The following ACKR3 variants were observed in gnomAD, a reference collection of about 807,000 sequenced individuals.
ACKR3 encodes C-X-C chemokine receptor type 7.
ACKR3 carries 6 observed loss-of-function variants against 22.4 expected under a neutral mutation model. The observed-to-expected ratio is 0.27, with a 90% confidence interval of 0.15 to 0.53. The LOEUF is 0.53. Ranked by LOEUF, ACKR3 falls within the 20% of genes least tolerant of loss-of-function variation. The probability of loss-of-function intolerance (pLI) is 0.96; values close to 1 mark genes in which losing one functional copy is unlikely to be tolerated. For synonymous variants in ACKR3, 209 were observed against 205.2 expected, an observed-to-expected ratio of 1.02 and a Z score of -0.16; for missense variants, 396 against 475.2, an observed-to-expected ratio of 0.83 and a Z score of 1.55.
chr2:236,537,181 G>T, the ACKR3 span, among the ~76,000 whole-genome samples: 1 of 152,186 alleles, frequency 6.6e-6, no homozygotes, highest in Non-Finnish European at 1.5e-5. Context: ...TAGCACTGTG[G>T]CAAGCGGTCT....
At chr2:236,549,507 G>A in the ACKR3 span, among the ~76,000 whole-genome samples, 1 of 152,230 alleles carries the variant, frequency 6.6e-6, no homozygotes, top group Non-Finnish European at 1.5e-5. The surrounding 1 kb of genome is among the most constrained non-coding windows in gnomAD (Gnocchi z 5.3). Context: ...GAGGCCTCTT[G>A]ACTAAGTGGT....
the ACKR3 span, among the ~76,000 whole-genome samples, chr2:236,543,974 TATATATATATATATATATAC>T: frequency 1.6e-5 from 1 of 62,556 alleles, no homozygotes; most frequent in African/African-American, 2.3e-4. Flanking sequence ...TATATATATA[TATATATATATATATATATAC>T]ACTTTTTTTT....
At chr2:236,578,351 C>T (rs1212245098) in intron 1 of ACKR3, among the ~76,000 whole-genome samples, 1 of 152,242 alleles carries the variant, frequency 6.6e-6, no homozygotes, top group Admixed American at 6.5e-5. Context: ...CCTGGCTCAC[C>T]TCCATGGGCA....
chr2:236,550,160 G>A, the ACKR3 span, among the ~76,000 whole-genome samples: 4 of 152,166 alleles, frequency 2.6e-5, no homozygotes, highest in Admixed American at 6.5e-5. The surrounding 1 kb of genome is among the most constrained non-coding windows in gnomAD (Gnocchi z 4.6). Context: ...AAGGCCATGC[G>A]AGGGGCTGGC....
At chr2:236,544,573 A>G in the ACKR3 span, among the ~76,000 whole-genome samples, 1 of 152,214 alleles carries the variant, frequency 6.6e-6, no homozygotes, top group Non-Finnish European at 1.5e-5. This position sits in a 1 kb window ranked among gnomAD's most constrained non-coding sequence, Gnocchi z 5.0. Flanking sequence ...TGGAGAGCTC[A>G]GGGCAGGCTG....
chr2:236,570,406 G>C (rs1165926262), intron 1 of ACKR3, among the ~76,000 whole-genome samples: 2 of 152,160 alleles, frequency 1.3e-5, no homozygotes, highest in Admixed American at 6.5e-5. Flanking sequence ...TTATTAAGAG[G>C]CATCCTTAAA....
the ACKR3 span, among the ~76,000 whole-genome samples, chr2:236,549,695 G>A: frequency 1.3e-5 from 2 of 152,182 alleles, no homozygotes; most frequent in African/African-American, 4.8e-5. The surrounding 1 kb of genome is among the most constrained non-coding windows in gnomAD (Gnocchi z 5.3). Flanking sequence ...TGTGTGGTCC[G>A]TGTCCCACCC....
At chr2:236,542,151 C>T in the ACKR3 span, among the ~76,000 whole-genome samples, 4 of 152,180 alleles carry the variant, frequency 2.6e-5, no homozygotes, top group Non-Finnish European at 5.9e-5. Context: ...TAGTGATGGA[C>T]CTCTTGGTGA....
upstream of ACKR3, among the ~76,000 whole-genome samples, chr2:236,569,199 T>C (rs1691254469): frequency 6.6e-6 from 1 of 152,248 alleles, no homozygotes; most frequent in African/African-American, 2.4e-5. Context: ...ACTATCTTGA[T>C]TAGAGTCTCA....
Position 236,581,068 on chromosome 2 carries a change from C to G in ACKR3, c.603C>G (p.Pro201=). The part of the protein sequence containing the change: ...NNETYCRSFY[P]EHSIKEWLIG... Reference sequence around the variant, plus strand: ...AGACCTACTGCCGGTCCTTCTACCCCGAGCACAGCATCAAGGAGTGGCTGA... The same window carrying G: ...AGACCTACTGCCGGTCCTTCTACCCGGAGCACAGCATCAAGGAGTGGCTGA... Residue 201 remains proline (P), a synonymous_variant, in exon 2 of 2, where the codon CCC becomes CCG. Transcript: ENST00000272928. The surrounding 1 kb of genome is among the most constrained non-coding windows in gnomAD (Gnocchi z 4.4). The G allele has an allele frequency of 6.2e-7, 1 of 1,614,222 alleles. No individual in the cohort carries two copies. The highest frequency in any genetic ancestry group is 8.5e-7 in the Non-Finnish European group (1 of 1,180,054).
chr2:236,555,089 C>T, the ACKR3 span, among the ~76,000 whole-genome samples: 1 of 152,272 alleles, frequency 6.6e-6, no homozygotes, highest in Non-Finnish European at 1.5e-5. Flanking sequence ...GTGGCCTCCA[C>T]TTCCTGTCTG....
upstream of ACKR3, among the ~76,000 whole-genome samples, chr2:236,565,242 T>C (rs952813328): frequency 2.0e-5 from 3 of 152,068 alleles, no homozygotes; most frequent in African/African-American, 7.2e-5. Context: ...ATTATAAAGA[T>C]AGGAACCTAA....
upstream of ACKR3, among the ~76,000 whole-genome samples, chr2:236,567,118 C>T (rs1390760479): frequency 6.6e-6 from 1 of 152,218 alleles, no homozygotes; most frequent in Non-Finnish European, 1.5e-5. Context: ...GATTCTCCTG[C>T]CTCCCGAGTA....
the ACKR3 span, among the ~76,000 whole-genome samples, chr2:236,559,211 T>C: frequency 6.6e-6 from 1 of 152,250 alleles, no homozygotes; most frequent in Admixed American, 6.5e-5. Context: ...GTAGAGAAAG[T>C]AATGCTTCAC....
chr2:236,546,965 G>C, the ACKR3 span, among the ~76,000 whole-genome samples: 1 of 152,244 alleles, frequency 6.6e-6, no homozygotes, highest in African/African-American at 2.4e-5. This position sits in a 1 kb window ranked among gnomAD's most constrained non-coding sequence, Gnocchi z 4.9. Context: ...CATTGGCCCT[G>C]TGACTTTTGT....
At chr2:236,540,775 G>A in the ACKR3 span, among the ~76,000 whole-genome samples, 2 of 152,048 alleles carry the variant, frequency 1.3e-5, no homozygotes, top group Non-Finnish European at 2.9e-5. Context: ...GATCGCATTG[G>A]TGTCTTTGTG....
At chr2:236,575,693 C>T (rs775676132) in intron 1 of ACKR3, among the ~76,000 whole-genome samples, 10 of 148,394 alleles carry the variant, frequency 6.7e-5, no homozygotes, top group Non-Finnish European at 1.2e-4. Context: ...GCTGTGTGTG[C>T]GTGTGTCTGC....
Position 236,575,605 on chromosome 2 carries a change from CTCTG to C in ACKR3, c.-26-4833_-26-4830del, listed in dbSNP as rs1343661366. On this transcript the variant is annotated intron_variant, in intron 1 of 1. Transcript: ENST00000272928. ...GTGTGTGCGTGTGTCTGGGGTTGTG[CTCTG>C]TGTGTGTGTGTGTCTGGGGTTGTGC... Among the ~76,000 whole-genome samples, 5 of 63,088 alleles carry C rather than the reference CTCTG, an allele frequency of 7.9e-5. 1 individual carries two copies. The highest frequency in any genetic ancestry group is 1.2e-4 in the African/African-American group (1 of 8,158). 41.4% of individuals were successfully genotyped at this position (63,088 alleles called of 152,430 possible). A position where few individuals can be genotyped will look rare whatever the true frequency, so the allele number is the denominator to read the frequency against.
At chr2:236,538,819 G>A in the ACKR3 span, among the ~76,000 whole-genome samples, 3 of 152,206 alleles carry the variant, frequency 2.0e-5, no homozygotes, top group Non-Finnish European at 2.9e-5. Flanking sequence ...GATATTGCTT[G>A]GGATATTCTT....
Sources: allele counts gnomAD v4.1 joint callset (sites outside exome capture counted in the v4.1 genomes callset), GRCh38; gene constraint gnomAD v4.1.1; non-coding constraint Gnocchi (gnomAD v3.1); transcripts MANE v1.5; gene names NCBI Gene and HGNC (gene_info 2026-07-23, HGNC 2026-07-21).